Variants in EML6 observed in about 807,000 individuals in gnomAD.
The protein encoded by EML6 is echinoderm microtubule-associated protein-like 6.
EML6 carries 154 observed loss-of-function variants against 240.1 expected under a neutral mutation model. The observed-to-expected ratio is 0.64, with a 90% CI of 0.56 to 0.73. The LOEUF is 0.73. Among genes scored for constraint, EML6 ranks in the 30% least tolerant of loss-of-function variants. The probability of loss-of-function intolerance (pLI) is 0.00; values close to 1 mark genes in which losing one functional copy is unlikely to be tolerated. For synonymous variants in EML6, 1,148 were observed against 899.0 expected, an observed-to-expected ratio of 1.28 and a Z score of -4.95; for missense variants, 2,964 against 2,474.6, an observed-to-expected ratio of 1.20 and a Z score of -4.20.
chr2:54,916,735 T>G, intron 25 of EML6, 24 bp from the exon 26 acceptor site: 4 of 1,467,386 alleles, frequency 2.7e-6, no homozygotes, highest in African/African-American at 2.8e-5. Flanking sequence ...TGCAAAAATA[T>G]CATTCTCTTT....
At chr2:54,848,441 AT>A (rs1204765775) in intron 9 of EML6, among the ~76,000 whole-genome samples, 1 of 151,518 alleles carries the variant, frequency 6.6e-6, no homozygotes. Context: ...AGTGGGCAAC[AT>A]TTTCTTTCTC....
chr2:54,936,756 T>C (rs1675153626), intron 28 of EML6, among the ~76,000 whole-genome samples: 1 of 152,198 alleles, frequency 6.6e-6, no homozygotes, highest in Non-Finnish European at 1.5e-5. Flanking sequence ...TCTACATTAT[T>C]TTTATAACAT....
intron 7 of EML6, among the ~76,000 whole-genome samples, chr2:54,841,101 G>C (rs576391288): frequency 1.8e-4 from 4 of 22,726 alleles, no homozygotes; most frequent in East Asian, 0.026. Context: ...GGACAAGGAG[G>C]GGGGGCTGTG....
At chr2:54,832,743 C>T (rs531213127) in intron 7 of EML6, among the ~76,000 whole-genome samples, 1 of 141,652 alleles carries the variant, frequency 7.1e-6, no homozygotes, top group Non-Finnish European at 1.6e-5. Context: ...GTCCTCCCCA[C>T]CCCCCCGCCA....
At chr2:54,753,668 T>G (rs1031596172) in intron 2 of EML6, among the ~76,000 whole-genome samples, 28 of 150,962 alleles carry the variant, frequency 1.9e-4, no homozygotes, top group Non-Finnish European at 3.7e-4. Context: ...CTGAGTTTTT[T>G]TTTTTTTTTT....
chr2:54,851,186 A>G (rs1008293606), intron 10 of EML6, among the ~76,000 whole-genome samples: 3 of 152,090 alleles, frequency 2.0e-5, no homozygotes, highest in Non-Finnish European at 4.4e-5. Flanking sequence ...AGGCGGGTGG[A>G]TCACTTGAGG....
intron 24 of EML6, among the ~76,000 whole-genome samples, chr2:54,905,432 A>C (rs190811805): frequency 2.8e-4 from 43 of 151,962 alleles, no homozygotes; most frequent in Non-Finnish European, 6.0e-4. Context: ...TTAGGGATTA[A>C]AACCCATTAT....
intron 17 of EML6, among the ~76,000 whole-genome samples, chr2:54,888,869 G>A (rs1012194856): frequency 4.6e-5 from 7 of 152,218 alleles, no homozygotes; most frequent in African/African-American, 1.7e-4. Flanking sequence ...GCTTATTTAG[G>A]CAAATATCAA....
intron 2 of EML6, among the ~76,000 whole-genome samples, chr2:54,809,884 C>G (rs975358118): frequency 6.6e-6 from 1 of 151,998 alleles, no homozygotes; most frequent in East Asian, 1.9e-4. Flanking sequence ...GACATGGATG[C>G]CATTTGGCTG....
chr2:54,773,971 G>T (rs891741022), intron 2 of EML6, among the ~76,000 whole-genome samples: 3 of 152,090 alleles, frequency 2.0e-5, no homozygotes, highest in Non-Finnish European at 4.4e-5. Flanking sequence ...TTCCTTTGCT[G>T]TCCTCAAGAA....
At chr2:54,907,624 T>C (rs1204765486) in intron 24 of EML6, among the ~76,000 whole-genome samples, 2 of 152,228 alleles carry the variant, frequency 1.3e-5, no homozygotes, top group African/African-American at 4.8e-5. Context: ...TATTCTAACT[T>C]GTAAATTATA....
At chr2:54,957,351 T>C (rs1335813709) in intron 32 of EML6, among the ~76,000 whole-genome samples, 1 of 73,470 alleles carries the variant, frequency 1.4e-5, no homozygotes, top group Admixed American at 1.9e-4. Flanking sequence ...AGGAGAATCT[T>C]AGGAAAAAAA....
chr2:54,771,489 A>G (rs564926616), intron 2 of EML6, among the ~76,000 whole-genome samples: 4 of 152,384 alleles, frequency 2.6e-5, no homozygotes, highest in Admixed American at 2.0e-4. Flanking sequence ...GTTTATCACC[A>G]TATTTCTATT....
At chr2:54,831,758 A>G (rs1668882201) in intron 7 of EML6, among the ~76,000 whole-genome samples, 1 of 152,070 alleles carries the variant, frequency 6.6e-6, no homozygotes, top group Non-Finnish European at 1.5e-5. Context: ...GGTATAGATC[A>G]TGTTCCAGTT....
At chr2:54,884,973 A>G (rs1672042755) in intron 17 of EML6, among the ~76,000 whole-genome samples, 1 of 152,088 alleles carries the variant, frequency 6.6e-6, no homozygotes, top group Non-Finnish European at 1.5e-5. Context: ...CAGGAGTTGC[A>G]GATCAGCCCG....
intron 2 of EML6, among the ~76,000 whole-genome samples, chr2:54,813,018 A>C (rs1667927007): frequency 6.6e-6 from 1 of 152,218 alleles, no homozygotes; most frequent in African/African-American, 2.4e-5. Context: ...CCAATGGGTA[A>C]GACCAAATGA....
intron 25 of EML6, among the ~76,000 whole-genome samples, chr2:54,915,594 C>T (rs566326506): frequency 6.6e-6 from 1 of 152,224 alleles, no homozygotes; most frequent in East Asian, 1.9e-4. Flanking sequence ...TTGTTTCCAC[C>T]TCTGTGTGCC....
intron 11 of EML6, among the ~76,000 whole-genome samples, chr2:54,857,161 T>A (rs1670428210): frequency 6.6e-6 from 1 of 152,192 alleles, no homozygotes; most frequent in East Asian, 1.9e-4. Flanking sequence ...TGTCTCGGTC[T>A]GTTTTCCTTG....
At chr2:54,840,297 CA>C (rs5831322) in intron 7 of EML6, among the ~76,000 whole-genome samples, 63,392 of 152,052 alleles carry the variant, frequency 0.42, 15,215 homozygotes, top group East Asian at 0.58. Context: ...GTCTTTAAAA[CA>C]ATCAATGGCA....
Sources: gnomAD v4.1 joint callset for allele counts (sites outside exome capture counted in the v4.1 genomes callset) on GRCh38, gnomAD v4.1.1 for gene constraint, MANE v1.5 for transcripts, NCBI Gene and HGNC (gene_info 2026-07-23, HGNC 2026-07-21) for gene names.